PTPRT: variants seen among roughly 807,000 people sequenced by gnomAD.
The protein encoded by PTPRT is protein tyrosine phosphatase receptor type T.
Under a neutral mutation model 176.8 loss-of-function variants are expected in PTPRT, and 56 were observed. The ratio of observed to expected loss-of-function variants is 0.32; its 90% confidence interval spans 0.26 to 0.40. The LOEUF is 0.40. Ranked by LOEUF, PTPRT falls within the 10% of genes least tolerant of loss-of-function variation. The pLI, the probability that PTPRT is intolerant of heterozygous loss-of-function variation, is 1.00. For synonymous variants in PTPRT, 783 were observed against 739.0 expected, an observed-to-expected ratio of 1.06 and a Z score of -0.96; for missense variants, 1,540 against 1,908.2, an observed-to-expected ratio of 0.81 and a Z score of 3.60.
intron 1 of PTPRT, among the ~76,000 whole-genome samples, chr20:43,021,518 C>T (rs1985679453): frequency 6.6e-6 from 1 of 151,962 alleles, no homozygotes; most frequent in South Asian, 2.1e-4. Context: ...AAGCAGAGGA[C>T]CAGGGACAGG....
intron 11 of PTPRT, among the ~76,000 whole-genome samples, chr20:42,336,432 A>G (rs1280001787): frequency 6.6e-6 from 1 of 151,728 alleles, no homozygotes; most frequent in Non-Finnish European, 1.5e-5. Context: ...GGACTGGGGG[A>G]GGGGGGGTTG....
At chr20:42,256,607 C>T (rs907893407) in intron 13 of PTPRT, among the ~76,000 whole-genome samples, 2 of 137,962 alleles carry the variant, frequency 1.4e-5, no homozygotes, top group African/African-American at 5.4e-5. Context: ...CCCACCCTTA[C>T]CACTTAAAAA....
At chr20:42,737,043 G>T (rs940907033) in intron 6 of PTPRT, among the ~76,000 whole-genome samples, 2 of 152,226 alleles carry the variant, frequency 1.3e-5, no homozygotes, top group African/African-American at 4.8e-5. Flanking sequence ...ACACATGGGT[G>T]CTGCGGATTC....
Position 42,079,224 on chromosome 20 carries a change from A to G in PTPRT, c.*1655T>C, listed in dbSNP as rs73271408. On this transcript the variant is annotated 3_prime_UTR_variant, in exon 31 of 31. Coordinates refer to ENST00000373187, the MANE Select transcript of PTPRT (RefSeq NM_007050.6). ...GGAGCTGGGAATGTGTTACTAAAAT[A>G]TATCTGAAATTCTGCGCTTCCCAGA... is the stretch of plus-strand genomic sequence containing the variant. 18,509 of 208,448 alleles carry G rather than the reference A, an allele frequency of 0.089. 1,721 individuals are homozygous for G. Among genetic ancestry groups the G allele is most frequent in the African/African-American group, 0.26 (11,544 of 44,030 alleles). 12.9% of individuals were successfully genotyped at this position (208,448 alleles called of 1,614,324 possible).
chr20:43,083,320 G>GTATATATA (rs779087395), intron 1 of PTPRT, among the ~76,000 whole-genome samples: 2 of 37,376 alleles, frequency 5.4e-5, no homozygotes, highest in Non-Finnish European at 1.4e-4. Context: ...CACTTCAAAT[G>GTATATATA]TATATATATA....
intron 16 of PTPRT, among the ~76,000 whole-genome samples, chr20:42,170,385 G>A (rs1049553534): frequency 1.1e-4 from 16 of 152,210 alleles, no homozygotes; most frequent in African/African-American, 3.6e-4. Flanking sequence ...TATTGAAAAC[G>A]AAATGCGAGA....
At chr20:42,733,471 T>C (rs1431660335) in intron 6 of PTPRT, among the ~76,000 whole-genome samples, 2 of 152,232 alleles carry the variant, frequency 1.3e-5, no homozygotes, top group Non-Finnish European at 1.5e-5. Context: ...GAAGCTGCTC[T>C]ACATTAATCA....
intron 9 of PTPRT, among the ~76,000 whole-genome samples, chr20:42,408,730 C>T (rs2058985005): frequency 1.3e-5 from 2 of 151,750 alleles, no homozygotes; most frequent in Non-Finnish European, 2.9e-5. Flanking sequence ...AAAAGATTAT[C>T]TAACTATCTC....
intron 7 of PTPRT, among the ~76,000 whole-genome samples, chr20:42,560,555 G>C (rs185071016): frequency 1.3e-5 from 2 of 152,186 alleles, no homozygotes; most frequent in African/African-American, 4.8e-5. Flanking sequence ...TTTCTCATAG[G>C]GAGCAAAATT....
chr20:42,942,912 C>T (rs941297168), intron 1 of PTPRT, among the ~76,000 whole-genome samples: 4 of 152,146 alleles, frequency 2.6e-5, no homozygotes, highest in African/African-American at 4.8e-5. Flanking sequence ...CATAAATACT[C>T]ATTGAATTAA....
At chr20:42,124,940 C>T (rs1216705041) in intron 19 of PTPRT, among the ~76,000 whole-genome samples, 2 of 152,102 alleles carry the variant, frequency 1.3e-5, no homozygotes, top group Non-Finnish European at 2.9e-5. Context: ...TGGGTTTAGT[C>T]AATGGGGAAC....
At chr20:42,924,350 T>C (rs1046994317) in intron 1 of PTPRT, among the ~76,000 whole-genome samples, 4 of 152,222 alleles carry the variant, frequency 2.6e-5, no homozygotes, top group African/African-American at 9.6e-5. Flanking sequence ...AACAGCCTTC[T>C]ATTCTGGTAA....
At chr20:42,094,402 C>T (rs3091480) in intron 27 of PTPRT, among the ~76,000 whole-genome samples, 14,040 of 152,190 alleles carry the variant, frequency 0.092, 868 homozygotes, top group Non-Finnish European at 0.13. Context: ...TGCTCAGGCC[C>T]CAATCATTGA....
chr20:42,117,194 T>TGAGATGTCCATACCCC (rs1157584504), intron 21 of PTPRT, among the ~76,000 whole-genome samples: 8 of 152,202 alleles, frequency 5.3e-5, no homozygotes, highest in Non-Finnish European at 1.2e-4. Flanking sequence ...CATTAGGCCC[T>TGAGATGTCCATACCCC]GAGATGTCCA....
intron 4 of PTPRT, 38 bp downstream of exon 4, chr20:42,780,180 T>C (rs2077194440): frequency 9.1e-6 from 14 of 1,530,110 alleles, no homozygotes; most frequent in Non-Finnish European, 1.3e-5. Flanking sequence ...CAGTCTGGCA[T>C]GGATCAAGGC....
chr20:43,094,021 T>C (rs2011999011), intron 1 of PTPRT, among the ~76,000 whole-genome samples: 1 of 151,930 alleles, frequency 6.6e-6, no homozygotes, highest in South Asian at 2.1e-4. Context: ...TCTCTCCCAC[T>C]ATCCTGTTCC....
chr20:42,228,139 T>C (rs991312480), intron 15 of PTPRT, among the ~76,000 whole-genome samples: 26 of 152,180 alleles, frequency 1.7e-4, no homozygotes, highest in African/African-American at 5.8e-4. Flanking sequence ...TATTATTAGG[T>C]TGGTTTAAAA....
At chr20:42,391,726 T>C (rs2058801599) in intron 9 of PTPRT, among the ~76,000 whole-genome samples, 1 of 152,216 alleles carries the variant, frequency 6.6e-6, no homozygotes, top group African/African-American at 2.4e-5. Context: ...TTTATTAAAT[T>C]CATCAAAATA....
intron 7 of PTPRT, among the ~76,000 whole-genome samples, chr20:42,527,721 G>A (rs2072303753): frequency 1.3e-5 from 2 of 152,138 alleles, no homozygotes; most frequent in African/African-American, 4.8e-5. Flanking sequence ...TAGATTGTAG[G>A]CTGTCCCTGA....
Sources: gnomAD v4.1 joint callset for allele counts (sites outside exome capture counted in the v4.1 genomes callset) on GRCh38, gnomAD v4.1.1 for gene constraint, MANE v1.5 for transcripts, NCBI Gene and HGNC (gene_info 2026-07-23, HGNC 2026-07-21) for gene names.